WWP2: variants seen among roughly 807,000 people sequenced by gnomAD.
The protein encoded by WWP2 is NEDD4-like E3 ubiquitin-protein ligase WWP2.
In WWP2, 57 loss-of-function variants were observed where a neutral mutation model predicts 121.0. The ratio of observed to expected loss-of-function variants is 0.47; its 90% CI spans 0.38 to 0.59. The LOEUF is 0.59. Among genes scored for constraint, WWP2 ranks in the 20% least tolerant of loss-of-function variants. WWP2 has a pLI of 0.00. For missense variants in WWP2, 962 were observed against 1,158.9 expected (o/e 0.83, Z 2.47); for synonymous variants, 449 against 441.3 (o/e 1.02, Z -0.22).
chr16:69,879,932 A>T (rs981280937), intron 7 of WWP2, among the ~76,000 whole-genome samples: 6 of 152,150 alleles, frequency 3.9e-5, no homozygotes, highest in African/African-American at 1.4e-4. Flanking sequence ...CATTTAAAAA[A>T]TGTGTATAAT....
At chr16:69,789,417 A>G (rs2055861497) in intron 2 of WWP2, among the ~76,000 whole-genome samples, 4 of 152,060 alleles carry the variant, frequency 2.6e-5, no homozygotes, top group African/African-American at 9.7e-5. Flanking sequence ...TTTAGTAGAG[A>G]TGGGGTTTCA....
At chr16:69,913,514 T>A (rs889110593) in intron 9 of WWP2, among the ~76,000 whole-genome samples, 1 of 150,642 alleles carries the variant, frequency 6.6e-6, no homozygotes, top group African/African-American at 2.4e-5. Context: ...AAAATTATAA[T>A]AATAAATAAA....
At chr16:69,888,902 C>T (rs1289334673) in intron 8 of WWP2, among the ~76,000 whole-genome samples, 10 of 152,142 alleles carry the variant, frequency 6.6e-5, no homozygotes, top group South Asian at 2.1e-4. Context: ...GATATGGTTT[C>T]GCCCTGTTGG....
At chr16:69,896,995 T>C (rs2058115304) in intron 8 of WWP2, among the ~76,000 whole-genome samples, 1 of 152,308 alleles carries the variant, frequency 6.6e-6, no homozygotes, top group African/African-American at 2.4e-5. Context: ...TATTGTAAAA[T>C]ATTGTAAGCA....
intron 4 of WWP2, among the ~76,000 whole-genome samples, chr16:69,809,221 GA>G (rs2056342001): frequency 6.6e-6 from 1 of 152,178 alleles, no homozygotes; most frequent in East Asian, 1.9e-4. Context: ...CTTTTTCTTA[GA>G]AAAACAAATC....
chr16:69,879,208 A>G (rs187328902), intron 7 of WWP2, among the ~76,000 whole-genome samples: 116 of 152,326 alleles, frequency 7.6e-4, no homozygotes, highest in African/African-American at 2.6e-3. Flanking sequence ...TAAAAATTGT[A>G]GTGAAAAACA....
intron 6 of WWP2, 150 bp from the exon 7 acceptor site, chr16:69,871,654 A>G: frequency 8.8e-7 from 1 of 1,134,414 alleles, no homozygotes; most frequent in Non-Finnish European, 1.2e-6. Context: ...GCTTGGAACC[A>G]GCTTCTGTTT....
chr16:69,900,095 C>G (rs2058179609), intron 8 of WWP2, among the ~76,000 whole-genome samples: 1 of 152,148 alleles, frequency 6.6e-6, no homozygotes, highest in African/African-American at 2.4e-5. Context: ...TATGACGTAA[C>G]AGATGCACTT....
chr16:69,851,926 T>G (rs1179429974), intron 6 of WWP2, among the ~76,000 whole-genome samples: 4 of 152,132 alleles, frequency 2.6e-5, no homozygotes, highest in Non-Finnish European at 4.4e-5. Flanking sequence ...GAGTTTGCAG[T>G]GAGCTGAGAT....
chr16:69,800,799 A>T (rs1355916046), intron 4 of WWP2, among the ~76,000 whole-genome samples: 1 of 151,088 alleles, frequency 6.6e-6, no homozygotes, highest in Non-Finnish European at 1.5e-5. Flanking sequence ...TCCTGACCTC[A>T]GGTGATCTGC....
chr16:69,784,449 C>G (rs2055739349), intron 1 of WWP2, among the ~76,000 whole-genome samples: 1 of 152,118 alleles, frequency 6.6e-6, no homozygotes, highest in South Asian at 2.1e-4. Context: ...ACTGTGATCC[C>G]ATTCACACCA....
intron 4 of WWP2, among the ~76,000 whole-genome samples, chr16:69,816,158 G>A (rs1317958667): frequency 6.6e-6 from 1 of 151,852 alleles, no homozygotes; most frequent in Admixed American, 6.6e-5. Flanking sequence ...TCAATCTTGT[G>A]GAATGATTAC....
intron 1 of WWP2, among the ~76,000 whole-genome samples, chr16:69,774,238 C>A (rs369794570): frequency 6.6e-6 from 1 of 152,052 alleles, no homozygotes; most frequent in Non-Finnish European, 1.5e-5. Context: ...CCTTGTATTC[C>A]CCAGACATGC....
intron 10 of WWP2, among the ~76,000 whole-genome samples, chr16:69,921,731 C>G (rs993699800): frequency 6.6e-6 from 1 of 152,160 alleles, no homozygotes; most frequent in Non-Finnish European, 1.5e-5. Context: ...TGTGACGGGA[C>G]TATCACACGG....
intron 8 of WWP2, among the ~76,000 whole-genome samples, chr16:69,897,185 C>G (rs749793847): frequency 6.6e-6 from 1 of 152,002 alleles, no homozygotes; most frequent in African/African-American, 2.4e-5. Flanking sequence ...TCACTGCAGC[C>G]TTGACCTCCC....
At chr16:69,836,356 T>C (rs1765520502) in intron 4 of WWP2, among the ~76,000 whole-genome samples, 1 of 152,034 alleles carries the variant, frequency 6.6e-6, no homozygotes, top group African/African-American at 2.4e-5. Flanking sequence ...GGACAGTTAT[T>C]GTATGGATGT....
chr16:69,938,726 C>T (rs901526847), intron 21 of WWP2, among the ~76,000 whole-genome samples: 4 of 152,240 alleles, frequency 2.6e-5, no homozygotes, highest in African/African-American at 9.6e-5. Context: ...ACCCATTAAG[C>T]AGTCACTCCC....
At chr16:69,926,436 A>G (rs1208995092) in intron 11 of WWP2, among the ~76,000 whole-genome samples, 1 of 152,124 alleles carries the variant, frequency 6.6e-6, no homozygotes, top group East Asian at 1.9e-4. Context: ...CTCGACAACA[A>G]AGATGGAGAG....
At chr16:69,927,274 A>G (rs927753742) in intron 11 of WWP2, among the ~76,000 whole-genome samples, 1 of 151,992 alleles carries the variant, frequency 6.6e-6, no homozygotes, top group Non-Finnish European at 1.5e-5. Context: ...CAGGAAGAAC[A>G]GCCAGACCAA....
Sources: gnomAD v4.1 joint callset for allele counts (sites outside exome capture counted in the v4.1 genomes callset) on GRCh38, gnomAD v4.1.1 for gene constraint, MANE v1.5 for transcripts, NCBI Gene and HGNC (gene_info 2026-07-23, HGNC 2026-07-21) for gene names.